PEX5: variants seen among roughly 807,000 people sequenced by gnomAD.
The protein encoded by PEX5 is peroxisomal biogenesis factor 5.
A neutral mutation model predicts 82.9 loss-of-function variants in PEX5; 52 were observed. The observed-to-expected ratio is 0.63, with a 90% CI of 0.50 to 0.79. The LOEUF is 0.79. PEX5 is among the 30% of genes least tolerant of loss of function. The probability of loss-of-function intolerance (pLI) is 0.00; values close to 1 mark genes in which losing one functional copy is unlikely to be tolerated. For missense variants in PEX5, 719 were observed against 815.2 expected (o/e 0.88, Z 1.44); for synonymous variants, 300 against 318.8 (o/e 0.94, Z 0.63).
intron 14 of PEX5, 117 bp downstream of exon 14, chr12:7,209,287 A>C: frequency 9.8e-7 from 1 of 1,019,586 alleles, no homozygotes; most frequent in Non-Finnish European, 1.5e-6. Flanking sequence ...TGGGAGGCTG[A>C]AGTGGGAGGA....
chr12:7,196,294 TTA>T (rs1233203015), intron 5 of PEX5, among the ~76,000 whole-genome samples: 34 of 52,428 alleles, frequency 6.5e-4, no homozygotes, highest in Non-Finnish European at 1.1e-3. Context: ...TATAATTTAA[TTA>T]TATGTCATAT....
At chr12:7,196,478 CATCATATATAATGTAATAATTAT>C (rs1942306657) in intron 5 of PEX5, among the ~76,000 whole-genome samples, 5 of 101,706 alleles carry the variant, frequency 4.9e-5, no homozygotes, top group Admixed American at 2.1e-4. Flanking sequence ...GTAATAATTA[CATCATATATAATGTAATAATTAT>C]ATATGTCACA....
chr12:7,214,732 A>G (rs1047480461), downstream of PEX5, among the ~76,000 whole-genome samples: 1 of 103,444 alleles, frequency 9.7e-6, no homozygotes, highest in Non-Finnish European at 2.3e-5. Flanking sequence ...TAAAATAAAA[A>G]AAGAATTATT....
Position 7,209,667 on chromosome 12 carries a change from T to C in PEX5, c.1561-16T>C. 1 of 1,613,546 alleles carries C rather than the reference T, an allele frequency of 6.2e-7. No homozygotes were observed. ...TGAGTCAAGCTGTTCCCATCCGTTC[T>C]GCATCCCTATCCCAGGACTATTTGC... On this transcript the variant is annotated splice_polypyrimidine_tract_variant and intron_variant, in intron 14 of 15. Transcript: ENST00000675855.
intron 10 of PEX5, among the ~76,000 whole-genome samples, chr12:7,206,183 G>C (rs751522177): frequency 2.8e-4 from 42 of 152,346 alleles, no homozygotes; most frequent in African/African-American, 9.6e-4. Flanking sequence ...ACTGGCTTGT[G>C]GGATAAATCT....
intron 9 of PEX5, 30 bp from the exon 10 acceptor site, chr12:7,203,402 C>A (rs1944384800): frequency 6.2e-7 from 1 of 1,600,788 alleles, no homozygotes; most frequent in Admixed American, 1.7e-5. Flanking sequence ...GATGGATCTC[C>A]TTTTTCTATC....
chr12:7,199,993 C>T (rs1169231146), intron 6 of PEX5, among the ~76,000 whole-genome samples: 1 of 126,804 alleles, frequency 7.9e-6, no homozygotes, highest in African/African-American at 3.1e-5. Flanking sequence ...CCGCCTCCCT[C>T]CCGGACGGGG....
At chr12:7,207,865 C>T (rs1945010328) in intron 11 of PEX5, 63 bp downstream of exon 11, 1 of 1,589,344 alleles carries the variant, frequency 6.3e-7, no homozygotes, top group African/African-American at 1.3e-5. Context: ...AGAAAGGCCC[C>T]AAGGAGAGTA....
At chr12:7,212,217 G>A (rs756573176), downstream of PEX5, among the ~76,000 whole-genome samples, 6 of 151,556 alleles carry the variant, frequency 4.0e-5, no homozygotes, top group East Asian at 5.8e-4. Flanking sequence ...CACCCACCTC[G>A]GCCTCCCAAA....
Position 7,210,626 on chromosome 12 carries a change from C to T in PEX5, c.*403C>T, listed in dbSNP as rs886049828. 6 of 343,586 alleles carry T rather than the reference C, an allele frequency of 1.7e-5. No homozygotes were observed. In the East Asian group the frequency reaches 4.5e-4, roughly 26 times the overall value. The allele number at this position is 343,586 out of a possible 1,614,324, so 21.3% of individuals were successfully genotyped here. A position where few individuals can be genotyped will look rare whatever the true frequency, so the allele number is the denominator to read the frequency against. ...TACTGGGAATTGATAGTCCAGCTTC[C>T]TTGGGCAGTGTAAGTAGGAGGTTCA... On this transcript the variant is annotated 3_prime_UTR_variant, in exon 16 of 16. Transcript: ENST00000675855.
chr12:7,213,386 A>G (rs1227524645), downstream of PEX5, among the ~76,000 whole-genome samples: 1 of 148,790 alleles, frequency 6.7e-6, no homozygotes, highest in Non-Finnish European at 1.5e-5. Context: ...ACAGAGATAT[A>G]GATCAATGGA....
chr12:7,206,602 AC>A (rs1944831490), intron 10 of PEX5, among the ~76,000 whole-genome samples: 1 of 151,840 alleles, frequency 6.6e-6, no homozygotes, highest in Non-Finnish European at 1.5e-5. Flanking sequence ...TTCTTCTTAA[AC>A]CCCCCATTGT....
chr12:7,214,285 C>T (rs974466513), downstream of PEX5, among the ~76,000 whole-genome samples: 1 of 151,986 alleles, frequency 6.6e-6, no homozygotes, highest in East Asian at 1.9e-4. Context: ...TTTATTGCGG[C>T]ACTATTCACA....
rs753215450 is a variant in PEX5 at position 7,209,855 on chromosome 12, T to G, written c.1718+15T>G. 7.4e-6 allele frequency: 12 copies of G among 1,614,088 alleles called. No individual in the cohort carries two copies. In the South Asian group the frequency reaches 1.3e-4, roughly 18 times the overall value. ...GGGGCTCACCGGTGAGAGTATCTATTGAGAAATGAATGAATGAGCTTTTTC... is the reference window on the plus strand; with the variant it reads ...GGGGCTCACCGGTGAGAGTATCTATGGAGAAATGAATGAATGAGCTTTTTC... On this transcript the variant is annotated intron_variant, in intron 15 of 15. Transcript: ENST00000675855.
At chr12:7,197,341 T>TATATGTCATATATAATGTAATC (rs1565688235) in intron 5 of PEX5, among the ~76,000 whole-genome samples, 2 of 98,982 alleles carry the variant, frequency 2.0e-5, no homozygotes, top group South Asian at 5.5e-4. Context: ...GTAATAATTA[T>TATATGTCATATATAATGTAATC]ATATGTCATA....
chr12:7,201,839 G>C lies in PEX5; in HGVS notation c.640G>C (p.Glu214Gln). The C allele has an allele frequency of 6.2e-7, 1 of 1,609,150 alleles. No homozygotes were observed. The highest frequency in any genetic ancestry group is 8.5e-7 in the Non-Finnish European group (1 of 1,175,520). The change falls in exon 7 of 16, where the codon GAG becomes CAG. Residue 214 changes from glutamate (E) to glutamine (Q), a missense_variant and splice_region_variant. By Grantham distance (29) the Glu-to-Gln change is conservative. Coordinates refer to ENST00000675855, the MANE Select transcript of PEX5 (RefSeq NM_001351132.2). ...KVDDPKLANS[E>Q]FLKFVRQIGE... ...GGATGACCCCAAATTGGCTAATTCT[G>C]AGGTGAGCCACATCCCTCTGCTGCT...
At chr12:7,217,095 C>G (rs1056849735) in intron 17 of PEX5, among the ~76,000 whole-genome samples, 6 of 152,050 alleles carry the variant, frequency 3.9e-5, no homozygotes, top group African/African-American at 1.4e-4. Context: ...AGATTTAGTT[C>G]TATGAACTAT....
At chr12:7,191,738 T>C in intron 5 of PEX5, 38 bp downstream of exon 5, 1 of 1,592,568 alleles carries the variant, frequency 6.3e-7, no homozygotes, top group Non-Finnish European at 8.6e-7. Flanking sequence ...TTGGCTTCTA[T>C]GGGACAGAAT....
Position 7,189,712 on chromosome 12 carries a change from C to A in PEX5, c.-55C>A, listed in dbSNP as rs886049822. ...TCTTCTCCCCTCCCCCAAGCCAGCA[C>A]CTGGTGCCCCGGCGGGTCGTGCGGC... On this transcript the variant is annotated 5_prime_UTR_variant, in exon 1 of 16. Coordinates refer to ENST00000675855, the MANE Select transcript of PEX5 (RefSeq NM_001351132.2). 1 of 379,424 alleles carries A rather than the reference C, an allele frequency of 2.6e-6. No homozygotes were observed. The highest frequency in any genetic ancestry group is 4.6e-6 in the Non-Finnish European group (1 of 217,334). 23.5% of individuals were successfully genotyped at this position (379,424 alleles called of 1,614,324 possible).
Sources: gnomAD v4.1 joint callset for allele counts (sites outside exome capture counted in the v4.1 genomes callset) on GRCh38, gnomAD v4.1.1 for gene constraint, MANE v1.5 for transcripts, NCBI Gene and HGNC (gene_info 2026-07-23, HGNC 2026-07-21) for gene names.